ARHGAP27: variants seen among roughly 807,000 people sequenced by gnomAD.
ARHGAP27 encodes rho GTPase-activating protein 27.
Under a neutral mutation model 102.0 loss-of-function variants are expected in ARHGAP27, and 53 were observed. The observed-to-expected ratio is 0.52, with a 90% CI of 0.42 to 0.65. ARHGAP27 has a LOEUF of 0.65. Ranked by LOEUF, ARHGAP27 falls within the 30% of genes least tolerant of loss-of-function variation. ARHGAP27 has a pLI of 0.00. For synonymous variants in ARHGAP27, 525 were observed against 542.8 expected, an observed-to-expected ratio of 0.97 and a Z score of 0.46; for missense variants, 1,117 against 1,256.2, an observed-to-expected ratio of 0.89 and a Z score of 1.68.
In ARHGAP27 at chr17:45,396,525, C is replaced by A; in HGVS notation, c.2135G>T (p.Arg712Leu). 3 of 1,580,474 alleles carry A rather than the reference C, an allele frequency of 1.9e-6. 1 individual carries two copies. Among genetic ancestry groups the A allele is most frequent in the Middle Eastern group, 3.4e-4 (2 of 5,872 alleles). The change falls in exon 16 of 20, where the codon CGC (arginine) becomes CTC (leucine). Residue 712 changes from arginine (R) to leucine (L), a missense_variant. This residue lies in a region of ARHGAP27 where 493 missense variants were observed against 505.5 expected (regional missense o/e 0.98). Coordinates refer to ENST00000685559, the MANE Select transcript of ARHGAP27 (RefSeq NM_001282290.2). ...LCERERSRVPRFVQQCIRAVE... is the reference protein window; with the variant it reads ...LCERERSRVPLFVQQCIRAVE... ...GGCGCGGATGCACTGCTGCACGAAG[C>A]GTGGCACCCGGCTCCTCTCGCGCTC... is the stretch of plus-strand genomic sequence containing the variant.
At chr17:45,396,409 G>A (rs2045673417) in intron 16 of ARHGAP27, 78 bp downstream of exon 16, 1 of 1,468,598 alleles carries the variant, frequency 6.8e-7, no homozygotes, top group Admixed American at 2.3e-5. Flanking sequence ...TCCATCCAGG[G>A]GTCTCCAGCC....
chr17:45,420,937 C>CAAG (rs2048973452), intron 4 of ARHGAP27, among the ~76,000 whole-genome samples: 1 of 74,896 alleles, frequency 1.3e-5, no homozygotes. Context: ...GGCGACAGAG[C>CAAG]AAGACTCCAT....
rs1041898936 is a variant in ARHGAP27 at position 45,396,864 on chromosome 17, C to T, written c.1951+52G>A. On this transcript the variant is annotated intron_variant, in intron 14 of 19. Transcript: ENST00000685559. ...GCCAGGCAGGCCCCAGCAACCGTCA[C>T]TCCCCAGGAGAGGCCTCCTGGAGCC... 3.7e-6 allele frequency: 6 copies of T among 1,607,082 alleles called. No individual in the cohort carries two copies. In the African/African-American group the frequency reaches 8.0e-5, roughly 21 times the overall value.
chr17:45,406,469 ACT>A (rs760919356), intron 4 of ARHGAP27, among the ~76,000 whole-genome samples: 2 of 152,196 alleles, frequency 1.3e-5, no homozygotes, highest in Non-Finnish European at 2.9e-5. Flanking sequence ...TCTTGAAAGT[ACT>A]TTGTAAAGTA....
chr17:45,403,601 C>G lies in ARHGAP27; in HGVS notation c.1638+18G>C. On this transcript the variant is annotated intron_variant, in intron 11 of 19. Coordinates refer to ENST00000685559, the MANE Select transcript of ARHGAP27 (RefSeq NM_001282290.2). ...AAAAGCAGATGGGATGGTCCCTGCCCTGAGGGCCTGGCCTTACCAGGCCGC... is the reference window on the plus strand; with the variant it reads ...AAAAGCAGATGGGATGGTCCCTGCCGTGAGGGCCTGGCCTTACCAGGCCGC... 3.1e-6 allele frequency: 5 copies of G among 1,597,116 alleles called. No homozygotes were observed. Among genetic ancestry groups the G allele is most frequent in the Non-Finnish European group, 4.3e-6 (5 of 1,170,756 alleles).
chr17:45,426,797 C>T (rs2049653106), intron 4 of ARHGAP27, among the ~76,000 whole-genome samples: 1 of 152,182 alleles, frequency 6.6e-6, no homozygotes, highest in South Asian at 2.1e-4. Flanking sequence ...TTCGCACCCT[C>T]ACTTCACTAC....
intron 4 of ARHGAP27, among the ~76,000 whole-genome samples, chr17:45,419,857 C>T (rs566946664): frequency 1.3e-4 from 19 of 151,914 alleles, no homozygotes; most frequent in African/African-American, 4.3e-4. Flanking sequence ...AACAAACAGC[C>T]CTTAAATATA....
At chr17:45,426,290 C>T (rs1331628624) in intron 4 of ARHGAP27, among the ~76,000 whole-genome samples, 2 of 152,276 alleles carry the variant, frequency 1.3e-5, no homozygotes, top group South Asian at 2.1e-4. Context: ...TTCCAAGCTG[C>T]TGGGAGCTTA....
intron 12 of ARHGAP27, among the ~76,000 whole-genome samples, chr17:45,401,160 A>G (rs1456905385): frequency 6.6e-6 from 1 of 152,070 alleles, no homozygotes; most frequent in African/African-American, 2.4e-5. Context: ...TGGGCAACAT[A>G]GTGAGCCCCC....
chr17:45,395,627 G>T lies in ARHGAP27; in HGVS notation c.2499C>A (p.Ile833=), dbSNP rs776543744. 2.8e-5 allele frequency: 45 copies of T among 1,603,834 alleles called. No individual in the cohort carries two copies. The highest frequency in any genetic ancestry group is 3.6e-5 in the Non-Finnish European group (42 of 1,175,558). Residue 833 remains isoleucine (I), a synonymous_variant, in exon 20 of 20, where the codon ATC becomes ATA. Coordinates refer to ENST00000685559, the MANE Select transcript of ARHGAP27 (RefSeq NM_001282290.2). ...ACATGCGGTTCTGCTCGCCGTGCTC[G>T]ATCACCCTGTGGCAGGGGTGGGTGG... ...RMLFQHLCRV[I]EHGEQNRMSV...
chr17:45,426,309 T>G (rs994214616), intron 4 of ARHGAP27, among the ~76,000 whole-genome samples: 12 of 152,004 alleles, frequency 7.9e-5, no homozygotes, highest in Non-Finnish European at 1.8e-4. Context: ...TAACCCTGGG[T>G]TACAAGCCTT....
rs2050015039 is a variant in ARHGAP27, at chr17:45,430,920, G to T, written c.-18-623C>A. ...TTAGTCCGAGGGCCTTGCTGTAGAG[G>T]CCTCCGCTGCCAATGCAGGGGAACC... On this transcript the variant is annotated intron_variant, in intron 3 of 19. Coordinates refer to ENST00000685559, the MANE Select transcript of ARHGAP27 (RefSeq NM_001282290.2). The surrounding 1 kb of genome is among the most constrained non-coding windows in gnomAD (Gnocchi z 4.4). Among the ~76,000 whole-genome samples, 1 of 152,060 alleles carries T rather than the reference G, an allele frequency of 6.6e-6. No individual in the cohort carries two copies. The highest frequency in any genetic ancestry group is 2.4e-5 in the African/African-American group (1 of 41,380).
chr17:45,406,067 T>C lies in ARHGAP27; in HGVS notation c.674A>G (p.Glu225Gly). 1.3e-6 allele frequency: 2 copies of C among 1,521,810 alleles called. No individual in the cohort carries two copies. Among genetic ancestry groups the C allele is most frequent in the Non-Finnish European group, 8.8e-7 (1 of 1,137,732 alleles). The allele number at this position is 1,521,810 out of a possible 1,614,324, so 94.3% of individuals were successfully genotyped here. ...ESAEQVDDPPEPVYANIERQP... is the reference protein window; with the variant it reads ...ESAEQVDDPPGPVYANIERQP... ...CCTCTCTATGTTCGCGTACACGGGC[T>C]CCGGTGGGTCGTCCACCTGCGGGAG... Residue 225 changes from glutamate (E) to glycine (G), a missense_variant, in exon 5 of 20, where the codon GAG (glutamate) becomes GGG (glycine). Around this residue, in one of 3 missense-constraint regions of ARHGAP27, gnomAD observed 610 missense variants for 716.4 expected, o/e 0.85. Coordinates refer to ENST00000685559, the MANE Select transcript of ARHGAP27 (RefSeq NM_001282290.2).
In ARHGAP27 at chr17:45,395,555, G is replaced by C. The variant is rs1353057195; in HGVS notation, c.2571C>G (p.Pro857=). ...AIVFGPTLLR[P]EVEETSMPMT... Reference sequence around the variant, plus strand: ...TGGGCATGCTGGTCTCTTCCACCTCGGGCCGCAGCAGCGTGGGCCCGAACA... The same window carrying C: ...TGGGCATGCTGGTCTCTTCCACCTCCGGCCGCAGCAGCGTGGGCCCGAACA... Residue 857 remains proline (P), a synonymous_variant, in exon 20 of 20, where the codon CCC becomes CCG. Coordinates refer to ENST00000685559, the MANE Select transcript of ARHGAP27 (RefSeq NM_001282290.2). 6.2e-7 allele frequency: 1 copy of C among 1,604,376 alleles called. No homozygotes were observed. The highest frequency in any genetic ancestry group is 2.3e-5 in the East Asian group (1 of 44,380).
intron 12 of ARHGAP27, among the ~76,000 whole-genome samples, chr17:45,402,482 T>G (rs1272928328): frequency 6.6e-6 from 1 of 152,200 alleles, no homozygotes; most frequent in Non-Finnish European, 1.5e-5. Context: ...GTCCTCCTTC[T>G]TGGGGCTTGC....
Position 45,430,124 on chromosome 17 carries a change from G to C in ARHGAP27, c.156C>G (p.Pro52=). The change falls in exon 4 of 20, where the codon CCC becomes CCG. Residue 52 remains proline (P), a synonymous_variant. Coordinates refer to ENST00000685559, the MANE Select transcript of ARHGAP27 (RefSeq NM_001282290.2). The surrounding 1 kb of genome is among the most constrained non-coding windows in gnomAD (Gnocchi z 4.4). ...TEHWWHVRRE[P]GGRPFYLPAQ... The stretch of plus-strand genomic sequence containing the variant: ...CAGGCAGGTAGAAGGGGCGGCCGCC[G>C]GGCTCACGCCGCACGTGCCACCAGT... The C allele has an allele frequency of 6.6e-7, 1 of 1,523,100 alleles. No individual in the cohort carries two copies. Among genetic ancestry groups the C allele is most frequent in the South Asian group, 1.2e-5 (1 of 83,228 alleles). The allele number at this position is 1,523,100 out of a possible 1,614,324, so 94.3% of individuals were successfully genotyped here.
rs1475104389 is a variant in ARHGAP27 at position 45,404,642 on chromosome 17, A to C, written c.1288T>G (p.Tyr430Asp). ...CGAACAGAGGAGTCCTCTGGATTGT[A>C]GAAGTATGGCTTCCCGTGGGGGTCC... Reference protein sequence around the residue: ...LEDPHGKPYFYNPEDSSVRWE... With the variant: ...LEDPHGKPYFDNPEDSSVRWE... The change falls in exon 7 of 20, where the codon TAC becomes GAC. Residue 430 changes from tyrosine to aspartate, a missense_variant. This residue lies in a region of ARHGAP27 where 610 missense variants were observed against 716.4 expected (regional missense o/e 0.85). Transcript: ENST00000685559. 1 of 1,613,100 alleles carries C rather than the reference A, an allele frequency of 6.2e-7. No individual in the cohort carries two copies. The highest frequency in any genetic ancestry group is 8.5e-7 in the Non-Finnish European group (1 of 1,179,766).
intron 12 of ARHGAP27, among the ~76,000 whole-genome samples, chr17:45,399,587 G>A (rs1273587421): frequency 1.8e-5 from 1 of 55,560 alleles, no homozygotes; most frequent in Non-Finnish European, 3.1e-5. Flanking sequence ...GCAACACTCT[G>A]TCTCAAAGAA....
rs201032827 is a variant in ARHGAP27, at chr17:45,396,467, C to G, written c.2173+20G>C. 2.3e-4 allele frequency: 351 copies of G among 1,513,224 alleles called. No homozygotes were observed. The highest frequency in any genetic ancestry group is 2.6e-4 in the Non-Finnish European group (297 of 1,135,058). The allele number at this position is 1,513,224 out of a possible 1,614,324, so 93.7% of individuals were successfully genotyped here. A position where few individuals can be genotyped will look rare whatever the true frequency, so the allele number is the denominator to read the frequency against. On this transcript the variant is annotated intron_variant, in intron 16 of 19. Transcript: ENST00000685559. ...CGGGCACCCCAATGCCTGCCGCCCT[C>G]ACCCCCGCAGCGCACGTACCGCGGG...
Sources: allele counts gnomAD v4.1 joint callset (sites outside exome capture counted in the v4.1 genomes callset), GRCh38; gene constraint gnomAD v4.1.1; regional missense constraint gnomAD v4.1.1; non-coding constraint Gnocchi (gnomAD v3.1); transcripts MANE v1.5; gene names NCBI Gene and HGNC (gene_info 2026-07-23, HGNC 2026-07-21).